The following MALRD1 variants were observed in gnomAD, a reference collection of about 807,000 sequenced individuals.
The protein encoded by MALRD1 is MAM and LDL-receptor class A domain-containing protein 1.
MALRD1 carries 247 observed loss-of-function variants against 242.1 expected under a neutral mutation model. That is an observed-to-expected ratio of 1.02 (90% CI 0.92 to 1.13). The LOEUF (loss-of-function observed/expected upper bound fraction) is 1.13. MALRD1 is among the 50% of genes most tolerant of loss of function. The pLI is 0.00. For missense variants in MALRD1, 2,989 were observed against 2,533.1 expected (o/e 1.18, Z -3.86); for synonymous variants, 995 against 866.6 (o/e 1.15, Z -2.60).
At chr10:19,710,383 T>C (rs893371505) in intron 38 of MALRD1, 2 of 152,222 alleles carry the variant, frequency 1.3e-5, no homozygotes, top group Non-Finnish European at 2.9e-5. Flanking sequence ...AAATTTCACG[T>C]GTATTTCAAA....
At chr10:19,571,520 G>A (rs1000977231) in intron 33 of MALRD1, among the ~76,000 whole-genome samples, 1 of 152,030 alleles carries the variant, frequency 6.6e-6, no homozygotes, top group African/African-American at 2.4e-5. Context: ...ATTTAAAATA[G>A]GTCAAATTTT....
chr10:19,250,369 T>A (rs956796686), intron 18 of MALRD1, among the ~76,000 whole-genome samples: 5 of 152,002 alleles, frequency 3.3e-5, no homozygotes, highest in African/African-American at 1.2e-4. Flanking sequence ...TTCCATATAA[T>A]TTTTAGGATT....
intron 2 of MALRD1, among the ~76,000 whole-genome samples, chr10:19,072,133 T>C (rs1835169097): frequency 6.6e-6 from 1 of 152,194 alleles, no homozygotes; most frequent in African/African-American, 2.4e-5. Flanking sequence ...GTGACAAGGA[T>C]ACGATGTGTG....
chr10:19,122,451 A>G (rs1038715924), intron 5 of MALRD1, among the ~76,000 whole-genome samples: 11 of 152,268 alleles, frequency 7.2e-5, no homozygotes, highest in African/African-American at 2.4e-4. Context: ...GAAGCAAATA[A>G]AAGTGAATAT....
intron 36 of MALRD1, among the ~76,000 whole-genome samples, chr10:19,627,406 TAAG>T (rs1409435099): frequency 6.6e-6 from 1 of 151,210 alleles, no homozygotes; most frequent in African/African-American, 2.4e-5. Flanking sequence ...TAAACAAAAT[TAAG>T]AAAAAAACAA....
chr10:19,289,769 C>G (rs1206996005), intron 21 of MALRD1, among the ~76,000 whole-genome samples: 2 of 152,154 alleles, frequency 1.3e-5, no homozygotes, highest in African/African-American at 4.8e-5. Flanking sequence ...TGGCTTTTCT[C>G]TCTCAGGCAT....
intron 14 of MALRD1, among the ~76,000 whole-genome samples, chr10:19,189,966 T>C (rs1835902097): frequency 1.3e-5 from 2 of 152,092 alleles, no homozygotes; most frequent in Admixed American, 1.3e-4. Flanking sequence ...GCAAAAGCAA[T>C]TAATTTAAAA....
chr10:19,579,133 C>T (rs1456921806), intron 33 of MALRD1, among the ~76,000 whole-genome samples: 1 of 152,148 alleles, frequency 6.6e-6, no homozygotes, highest in Non-Finnish European at 1.5e-5. Context: ...TTGTCTTTGT[C>T]TTCAGTGCTG....
At chr10:19,511,479 G>A (rs932080426) in intron 31 of MALRD1, among the ~76,000 whole-genome samples, 1 of 152,114 alleles carries the variant, frequency 6.6e-6, no homozygotes, top group African/African-American at 2.4e-5. Context: ...TCAACAATTA[G>A]GGTTATATAT....
At chr10:19,214,345 G>A (rs149675999) in intron 18 of MALRD1, among the ~76,000 whole-genome samples, 37 of 152,278 alleles carry the variant, frequency 2.4e-4, no homozygotes, top group African/African-American at 2.4e-4. Flanking sequence ...ACTTTACAGC[G>A]TCTTGCAAAC....
intron 28 of MALRD1, among the ~76,000 whole-genome samples, chr10:19,432,470 A>C (rs181551881): frequency 6.6e-6 from 1 of 152,216 alleles, no homozygotes; most frequent in East Asian, 1.9e-4. Context: ...GCCAGTGGTT[A>C]CAGTTCCATG....
chr10:19,433,264 C>T (rs1177088357), intron 28 of MALRD1, among the ~76,000 whole-genome samples: 1 of 152,066 alleles, frequency 6.6e-6, no homozygotes, highest in East Asian at 1.9e-4. Flanking sequence ...GTGAAGGCTC[C>T]CATGAGGACG....
At chr10:19,132,646 G>A (rs185799417) in intron 8 of MALRD1, among the ~76,000 whole-genome samples, 32 of 152,180 alleles carry the variant, frequency 2.1e-4, no homozygotes, top group Non-Finnish European at 4.7e-4. Flanking sequence ...TTTCAGGGCC[G>A]TTTTCTATCT....
At chr10:19,243,211 G>C (rs10827135) in intron 18 of MALRD1, among the ~76,000 whole-genome samples, 58,161 of 148,666 alleles carry the variant, frequency 0.39, 11,466 homozygotes, top group Admixed American at 0.54. Flanking sequence ...CTTCTCCCCC[G>C]CCACACACAC....
At chr10:19,055,081 A>G (rs1384983813) in intron 1 of MALRD1, among the ~76,000 whole-genome samples, 1 of 152,136 alleles carries the variant, frequency 6.6e-6, no homozygotes, top group African/African-American at 2.4e-5. Flanking sequence ...TCTATTTTTG[A>G]TAAAAGCCAT....
chr10:19,298,378 A>C (rs1187644801), intron 21 of MALRD1, among the ~76,000 whole-genome samples: 2 of 151,948 alleles, frequency 1.3e-5, no homozygotes, highest in Non-Finnish European at 2.9e-5. Context: ...CTGGAGATCA[A>C]ATTTCAACAT....
chr10:19,580,039 A>C (rs1251422647), intron 33 of MALRD1, among the ~76,000 whole-genome samples: 1 of 152,186 alleles, frequency 6.6e-6, no homozygotes, highest in East Asian at 1.9e-4. Flanking sequence ...ACTGGGAACT[A>C]TAGCACCGTA....
chr10:19,150,489 A>G (rs1833907023), intron 11 of MALRD1, among the ~76,000 whole-genome samples: 1 of 152,082 alleles, frequency 6.6e-6, no homozygotes, highest in Admixed American at 6.6e-5. Flanking sequence ...AATTCTACCC[A>G]TGTGGGTCTC....
chr10:19,100,062 T>G (rs1258880939), intron 4 of MALRD1, among the ~76,000 whole-genome samples: 1 of 152,086 alleles, frequency 6.6e-6, no homozygotes, highest in Non-Finnish European at 1.5e-5. Context: ...TAATAATAAA[T>G]TTTTTTCTTT....
Sources: gnomAD v4.1 joint callset for allele counts (sites outside exome capture counted in the v4.1 genomes callset) on GRCh38, gnomAD v4.1.1 for gene constraint, MANE v1.5 for transcripts, NCBI Gene and HGNC (gene_info 2026-07-23, HGNC 2026-07-21) for gene names.